VSNL1: variants seen among roughly 807,000 people sequenced by gnomAD.
VSNL1 encodes the protein visinin-like protein 1.
VSNL1 carries 6 observed loss-of-function variants against 20.4 expected under a neutral mutation model. That is an observed-to-expected ratio of 0.29 (90% CI 0.16 to 0.58). The LOEUF is 0.58. VSNL1 is among the 20% of genes least tolerant of loss of function. VSNL1 has a pLI of 0.90. For synonymous variants in VSNL1, 93 were observed against 86.4 expected (o/e 1.08, Z -0.42); for missense variants, 100 against 234.5 (o/e 0.43, Z 3.75).
At chr2:17,545,521 C>CACTT (rs1217143420) in intron 1 of VSNL1, among the ~76,000 whole-genome samples, 2 of 152,078 alleles carry the variant, frequency 1.3e-5, no homozygotes, top group Non-Finnish European at 2.9e-5. Context: ...CTATGTGCTC[C>CACTT]ACTTAGATCA....
chr2:17,602,319 T>A (rs1040744532), intron 2 of VSNL1, among the ~76,000 whole-genome samples: 5 of 152,242 alleles, frequency 3.3e-5, no homozygotes, highest in African/African-American at 1.2e-4. Flanking sequence ...TACTGTGATA[T>A]TTCTGTGAAT....
chr2:17,544,527 T>C (rs1295421598), intron 1 of VSNL1, among the ~76,000 whole-genome samples: 1 of 152,198 alleles, frequency 6.6e-6, no homozygotes, highest in East Asian at 1.9e-4. Flanking sequence ...GAATATTGTC[T>C]TGGGCAAGCT....
intron 1 of VSNL1, among the ~76,000 whole-genome samples, chr2:17,561,056 C>T (rs1427338182): frequency 1.3e-5 from 2 of 152,132 alleles, no homozygotes; most frequent in Admixed American, 1.3e-4. Context: ...ACAGTTCAAA[C>T]ATTAATTGAG....
intron 3 of VSNL1, among the ~76,000 whole-genome samples, chr2:17,650,511 TTGAC>T: frequency 6.6e-6 from 1 of 152,334 alleles, no homozygotes; most frequent in Admixed American, 6.5e-5. Context: ...TTTCCTTTGA[TTGAC>T]TGTCTTAGCA....
chr2:17,649,904 T>G lies in VSNL1; in HGVS notation c.378+279T>G, dbSNP rs1428370345. On this transcript the variant is annotated intron_variant, in intron 3 of 3. Coordinates refer to ENST00000295156, the MANE Select transcript of VSNL1 (RefSeq NM_003385.5). This position sits in a 1 kb window ranked among gnomAD's most constrained non-coding sequence, Gnocchi z 6.4. ...AACCTGTCTTACTGTGCACACAGGA[T>G]GTCATGGGCTGTTTCTCTGGCACTT... is the stretch of plus-strand genomic sequence containing the variant. Among the ~76,000 whole-genome samples, 1 of 152,176 alleles carries G rather than the reference T, an allele frequency of 6.6e-6. No individual in the cohort carries two copies. The highest frequency in any genetic ancestry group is 1.5e-5 in the Non-Finnish European group (1 of 68,024).
At chr2:17,653,995 T>A (rs1249673289) in intron 3 of VSNL1, among the ~76,000 whole-genome samples, 1 of 152,252 alleles carries the variant, frequency 6.6e-6, no homozygotes. Flanking sequence ...GCCTTACATG[T>A]CTGGCTTCTT....
At chr2:17,622,606 A>C (rs1440989986) in intron 2 of VSNL1, among the ~76,000 whole-genome samples, 1 of 139,124 alleles carries the variant, frequency 7.2e-6, no homozygotes, top group Non-Finnish European at 1.6e-5. Context: ...GAAAGAAAAG[A>C]AAGAAAGATC....
At chr2:17,633,872 G>A (rs1665692764) in intron 2 of VSNL1, among the ~76,000 whole-genome samples, 1 of 152,178 alleles carries the variant, frequency 6.6e-6, no homozygotes, top group African/African-American at 2.4e-5. Flanking sequence ...TCAGAGAAGT[G>A]CCCCTTGAGC....
intron 1 of VSNL1, among the ~76,000 whole-genome samples, chr2:17,589,765 G>A (rs889239161): frequency 6.6e-6 from 1 of 152,192 alleles, no homozygotes; most frequent in Non-Finnish European, 1.5e-5. Flanking sequence ...TAACAAAGAA[G>A]CTGATACGTT....
chr2:17,583,394 T>C, intron 1 of VSNL1, among the ~76,000 whole-genome samples: 1 of 152,214 alleles, frequency 6.6e-6, no homozygotes, highest in East Asian at 1.9e-4. Flanking sequence ...ACACAATCTG[T>C]TGGACAGAAG....
intron 1 of VSNL1, among the ~76,000 whole-genome samples, chr2:17,588,496 G>A (rs1184499063): frequency 6.6e-6 from 1 of 152,182 alleles, no homozygotes; most frequent in Non-Finnish European, 1.5e-5. Flanking sequence ...GTGATAAAAT[G>A]TACTGTTTGT....
At chr2:17,632,304 G>A (rs1665652492) in intron 2 of VSNL1, among the ~76,000 whole-genome samples, 1 of 151,366 alleles carries the variant, frequency 6.6e-6, no homozygotes, top group African/African-American at 2.4e-5. Flanking sequence ...TTTTGATTTT[G>A]TTTGTTTGTT....
At chr2:17,550,929 G>C (rs1228894353) in intron 1 of VSNL1, among the ~76,000 whole-genome samples, 1 of 152,086 alleles carries the variant, frequency 6.6e-6, no homozygotes, top group African/African-American at 2.4e-5. Context: ...GCCAACTCTC[G>C]CATAAAACTG....
chr2:17,555,096 T>G (rs1325882213), intron 1 of VSNL1, among the ~76,000 whole-genome samples: 1 of 152,196 alleles, frequency 6.6e-6, no homozygotes, highest in Non-Finnish European at 1.5e-5. Context: ...CAGCATAGAT[T>G]TCTGCCCATC....
chr2:17,544,960 C>T (rs565462186), intron 1 of VSNL1, among the ~76,000 whole-genome samples: 19 of 152,154 alleles, frequency 1.2e-4, no homozygotes, highest in Non-Finnish European at 2.6e-4. Flanking sequence ...ATATAAGTCA[C>T]CTAATCCATC....
chr2:17,567,060 C>A (rs1387317223), intron 1 of VSNL1, among the ~76,000 whole-genome samples: 1 of 152,026 alleles, frequency 6.6e-6, no homozygotes, highest in Non-Finnish European at 1.5e-5. Flanking sequence ...CCGTGGTCTT[C>A]CTCAAAGTTG....
chr2:17,558,683 CTAT>C (rs1328705938), intron 1 of VSNL1, among the ~76,000 whole-genome samples: 1 of 152,196 alleles, frequency 6.6e-6, no homozygotes, highest in South Asian at 2.1e-4. Context: ...CAATACACAG[CTAT>C]TATTATTGTT....
chr2:17,542,603 C>G (rs1663310712), intron 1 of VSNL1, among the ~76,000 whole-genome samples: 1 of 152,184 alleles, frequency 6.6e-6, no homozygotes, highest in Non-Finnish European at 1.5e-5. Context: ...ATAAATCATA[C>G]TGCCTTGTCT....
chr2:17,601,608 C>A (rs1290432743), intron 2 of VSNL1, among the ~76,000 whole-genome samples: 1 of 150,948 alleles, frequency 6.6e-6, no homozygotes, highest in Admixed American at 6.6e-5. Flanking sequence ...TGCACTCCAG[C>A]CTGTACGACA....
Sources: gnomAD v4.1 joint callset for allele counts (sites outside exome capture counted in the v4.1 genomes callset) on GRCh38, gnomAD v4.1.1 for gene constraint, Gnocchi (gnomAD v3.1) non-coding constraint, MANE v1.5 for transcripts, NCBI Gene and HGNC (gene_info 2026-07-23, HGNC 2026-07-21) for gene names.